Variants in PAK1IP1 observed in about 807,000 individuals in gnomAD.
PAK1IP1 encodes the protein PAK1 interacting protein 1, also known as p21-activated protein kinase-interacting protein 1.
In PAK1IP1, 24 loss-of-function variants were observed where a neutral mutation model predicts 42.0. That is an observed-to-expected ratio of 0.57 (90% confidence interval 0.41 to 0.80). PAK1IP1 has a LOEUF of 0.80. Ranked by LOEUF, PAK1IP1 falls within the 30% of genes least tolerant of loss-of-function variation. PAK1IP1 has a pLI of 0.00. For missense variants in PAK1IP1, 411 were observed against 467.9 expected, an observed-to-expected ratio of 0.88 and a Z score of 1.12; for synonymous variants, 154 against 156.7, an observed-to-expected ratio of 0.98 and a Z score of 0.13.
At chr6:10,701,799 T>G (rs1244848881) in intron 2 of PAK1IP1, among the ~76,000 whole-genome samples, 3 of 152,224 alleles carry the variant, frequency 2.0e-5, no homozygotes, top group Admixed American at 2.0e-4. Context: ...CCTCCTAAAT[T>G]TATAATTTGA....
At chr6:10,696,972 ATAAAG>A (rs1769880041) in intron 1 of PAK1IP1, among the ~76,000 whole-genome samples, 2 of 152,254 alleles carry the variant, frequency 1.3e-5, no homozygotes, top group Admixed American at 1.3e-4. Flanking sequence ...AGTCTCACAT[ATAAAG>A]TAAATACACT....
chr6:10,693,238 G>A (rs533801215), upstream of PAK1IP1, among the ~76,000 whole-genome samples: 7 of 152,308 alleles, frequency 4.6e-5, no homozygotes, highest in South Asian at 1.4e-3. Flanking sequence ...AGGCGTAAGG[G>A]ACAAATATGT....
intron 2 of PAK1IP1, among the ~76,000 whole-genome samples, chr6:10,700,062 T>C (rs1180230571): frequency 6.6e-6 from 1 of 151,924 alleles, no homozygotes; most frequent in African/African-American, 2.4e-5. Flanking sequence ...AAACAACTTT[T>C]TTTTTGGCGG....
upstream of PAK1IP1, among the ~76,000 whole-genome samples, chr6:10,691,201 TAA>T (rs1769264163): frequency 6.6e-6 from 1 of 152,150 alleles, no homozygotes; most frequent in South Asian, 2.1e-4. Flanking sequence ...AAACAGTACT[TAA>T]ATTGTAGCAG....
At chr6:10,708,638 G>A (rs1404975917) in intron 8 of PAK1IP1, among the ~76,000 whole-genome samples, 6 of 150,638 alleles carry the variant, frequency 4.0e-5, no homozygotes, top group Non-Finnish European at 5.9e-5. Flanking sequence ...CATTAACTTC[G>A]TCATTTAACA....
intron 2 of PAK1IP1, among the ~76,000 whole-genome samples, chr6:10,700,076 CG>C (rs1318571958): frequency 1.4e-5 from 2 of 146,172 alleles, no homozygotes; most frequent in African/African-American, 2.5e-5. Flanking sequence ...TTGGCGGGGG[CG>C]GGGGGGCTTC....
At chr6:10,697,233 A>C in intron 1 of PAK1IP1, 91 bp from the exon 2 acceptor site, 1 of 1,031,446 alleles carries the variant, frequency 9.7e-7, no homozygotes, top group South Asian at 1.7e-5. Context: ...AAACAGATAA[A>C]TGGTTCCGTG....
At chr6:10,708,930 G>T in intron 8 of PAK1IP1, 23 bp from the exon 9 acceptor site, 1 of 1,570,790 alleles carries the variant, frequency 6.4e-7, no homozygotes, top group South Asian at 1.2e-5. Context: ...TGCACATTAT[G>T]AATGTTTGTT....
chr6:10,708,577 C>T (rs186401466), intron 8 of PAK1IP1, among the ~76,000 whole-genome samples: 10 of 151,474 alleles, frequency 6.6e-5, no homozygotes, highest in African/African-American at 2.4e-4. Flanking sequence ...ATGTGTACAA[C>T]GTGCAGGTTA....
At chr6:10,697,514 G>C in intron 2 of PAK1IP1, 28 bp downstream of exon 2, 2 of 1,503,116 alleles carry the variant, frequency 1.3e-6, no homozygotes, top group South Asian at 1.2e-5. Context: ...CTTAAGATGA[G>C]AACATAGAGG....
chr6:10,700,415 C>T (rs1392957168), intron 2 of PAK1IP1, among the ~76,000 whole-genome samples: 1 of 152,142 alleles, frequency 6.6e-6, no homozygotes, highest in Non-Finnish European at 1.5e-5. Flanking sequence ...GAGGGTTTGC[C>T]CTTATGACTT....
rs571002299 is a variant in PAK1IP1, at chr6:10,703,582, A to G, written c.496+125A>G. On this transcript the variant is annotated intron_variant, in intron 5 of 9. Transcript: ENST00000379568. ...AGTAGAAAATTCAACACCTTACCTC[A>G]TGATGGGTCACAGTCAGAACCTTGT... The G allele has an allele frequency of 1.3e-5, 8 of 626,126 alleles. No individual in the cohort carries two copies. The South Asian group carries it at 1.4e-4, about 11-fold the overall frequency. 38.8% of individuals were successfully genotyped at this position (626,126 alleles called of 1,614,324 possible). A position where few individuals can be genotyped will look rare whatever the true frequency, so the allele number is the denominator to read the frequency against.
At chr6:10,700,522 A>C (rs1289931682) in intron 2 of PAK1IP1, among the ~76,000 whole-genome samples, 1 of 152,212 alleles carries the variant, frequency 6.6e-6, no homozygotes, top group Non-Finnish European at 1.5e-5. Context: ...CACACATGGC[A>C]GACTGTCCAT....
In PAK1IP1 at chr6:10,704,773, T is replaced by C. The variant is rs1340442424; in HGVS notation, c.669T>C (p.Asp223=). The part of the protein sequence containing the change: ...LSESVLAVAG[D]EEVIRFFDCD... ...AGTCTGTCCTTGCAGTGGCTGGAGA[T>C]GAAGAAGTTATAAGGTTTTTTGACT... The change falls in exon 7 of 10, where the codon GAT becomes GAC. Residue 223 remains aspartate, a synonymous_variant. Transcript: ENST00000379568. 7.4e-6 allele frequency: 12 copies of C among 1,613,506 alleles called. No homozygotes were observed. The South Asian group carries it at 1.2e-4, about 16-fold the overall frequency.
chr6:10,691,098 A>T (rs1769254928), upstream of PAK1IP1, among the ~76,000 whole-genome samples: 1 of 152,198 alleles, frequency 6.6e-6, no homozygotes. Context: ...TTCTTGAAAA[A>T]GTCACTTCTC....
upstream of PAK1IP1, chr6:10,694,965 A>G (rs112419636): frequency 6.6e-7 from 1 of 1,520,386 alleles, no homozygotes; most frequent in Non-Finnish European, 8.8e-7. Context: ...GGGCTGGCGG[A>G]AGAGGCACGT....
chr6:10,696,402 G>T (rs753469836), intron 1 of PAK1IP1, among the ~76,000 whole-genome samples: 1 of 152,024 alleles, frequency 6.6e-6, no homozygotes, highest in Non-Finnish European at 1.5e-5. Context: ...AGTTTGATGG[G>T]TTTTTTTCTT....
At chr6:10,696,197 C>T (rs933431370) in intron 1 of PAK1IP1, among the ~76,000 whole-genome samples, 4 of 152,060 alleles carry the variant, frequency 2.6e-5, no homozygotes, top group African/African-American at 9.7e-5. Flanking sequence ...TAACCATTAC[C>T]CTATACTTCT....
upstream of PAK1IP1, among the ~76,000 whole-genome samples, chr6:10,694,329 C>T (rs73721359): frequency 1.5e-3 from 231 of 151,426 alleles, 1 homozygote; most frequent in African/African-American, 4.3e-3. Context: ...TTGGCCAATA[C>T]AGCCCCAGAG....
Sources: gnomAD v4.1 joint callset for allele counts (sites outside exome capture counted in the v4.1 genomes callset) on GRCh38, gnomAD v4.1.1 for gene constraint, MANE v1.5 for transcripts, NCBI Gene and HGNC (gene_info 2026-07-23, HGNC 2026-07-21) for gene names.